The following RB1 variants were observed in gnomAD, a reference collection of about 807,000 sequenced individuals.
The protein encoded by RB1 is RB transcriptional corepressor 1, also known as retinoblastoma-associated protein.
RB1 carries 18 observed loss-of-function variants against 135.4 expected under a neutral mutation model. That is an observed-to-expected ratio of 0.13 (90% confidence interval 0.09 to 0.20). The LOEUF (loss-of-function observed/expected upper bound fraction) is 0.20. Among genes scored for constraint, RB1 ranks in the 10% least tolerant of loss-of-function variants. The probability of loss-of-function intolerance (pLI) is 1.00; values close to 1 mark genes in which losing one functional copy is unlikely to be tolerated. For missense variants in RB1, 868 were observed against 1,110.0 expected, an observed-to-expected ratio of 0.78 and a Z score of 3.10; for synonymous variants, 365 against 373.2, an observed-to-expected ratio of 0.98 and a Z score of 0.25.
rs9535025 is a variant in RB1, at chr13:48,393,474, T to G, written c.1695+12031T>G. On this transcript the variant is annotated intron_variant, in intron 17 of 26. Coordinates refer to ENST00000267163, the MANE Select transcript of RB1 (RefSeq NM_000321.3). Reference sequence around the variant, plus strand: ...TCTCCCAGGGATTGCTGTTCTGTACTGCCTGTTGTTTATTGTGTAAAAAGA... The same window carrying G: ...TCTCCCAGGGATTGCTGTTCTGTACGGCCTGTTGTTTATTGTGTAAAAAGA... 3.5e-3 allele frequency among the ~76,000 whole-genome samples: 540 copies of G among 152,328 alleles called. 1 individual carries two copies. The highest frequency in any genetic ancestry group is 5.9e-3 in the Non-Finnish European group (398 of 68,026).
intron 10 of RB1, among the ~76,000 whole-genome samples, chr13:48,368,272 T>C (rs1952723736): frequency 6.6e-6 from 1 of 152,166 alleles, no homozygotes. Flanking sequence ...TGACTTTCAC[T>C]TTTAAAAAAA....
chr13:48,328,341 G>T (rs1952305254), intron 2 of RB1: 2 of 1,572,040 alleles, frequency 1.3e-6, no homozygotes, highest in Admixed American at 3.3e-5. Context: ...AGGCTTACTT[G>T]ATCCAAGTTT....
rs183132703 is a variant in RB1, at chr13:48,360,203, T to C, written c.718+76T>C. ...TTGAATGTCTAGTGGGTACCAAACA[T>C]GGTTCTAAGGCTGACAGGATGATAA... On this transcript the variant is annotated intron_variant, in intron 7 of 26. Coordinates refer to ENST00000267163, the MANE Select transcript of RB1 (RefSeq NM_000321.3). 51 of 1,596,652 alleles carry C rather than the reference T, an allele frequency of 3.2e-5. No homozygotes were observed. The East Asian group carries it at 1.1e-3, about 35-fold the overall frequency.
At chr13:48,320,011 G>T in intron 2 of RB1, 1 of 436,816 alleles carries the variant, frequency 2.3e-6, no homozygotes, top group South Asian at 2.8e-5. Context: ...TGGAAGGCTG[G>T]GCTGCGCCTG....
intron 2 of RB1, among the ~76,000 whole-genome samples, chr13:48,330,447 C>T (rs1290742373): frequency 6.6e-6 from 1 of 151,810 alleles, no homozygotes; most frequent in African/African-American, 2.4e-5. Flanking sequence ...AAAGAAGATT[C>T]AAATAAATAA....
chr13:48,305,803 G>A (rs1952076190), intron 1 of RB1, among the ~76,000 whole-genome samples: 1 of 152,218 alleles, frequency 6.6e-6, no homozygotes, highest in Admixed American at 6.5e-5. Context: ...CATCTTGCCT[G>A]GAGATGGAAT....
chr13:48,328,676 C>T, intron 2 of RB1: 1 of 482,096 alleles, frequency 2.1e-6, no homozygotes, highest in Non-Finnish European at 3.8e-6. Context: ...CTTTCTCCAC[C>T]CCCAGCTCCC....
rs1281607292 is a variant in RB1, at chr13:48,379,622, A to G, written c.1361A>G (p.Tyr454Cys). 1 of 1,612,426 alleles carries G rather than the reference A, an allele frequency of 6.2e-7. No homozygotes were observed. Among genetic ancestry groups the G allele is most frequent in the African/African-American group, 1.3e-5 (1 of 74,810 alleles). The change falls in exon 14 of 27, where the codon TAC (tyrosine) becomes TGC (cysteine). Residue 454 changes from tyrosine (Y) to cysteine (C), a missense_variant. Physicochemically the swap from Tyr to Cys is radical, Grantham distance 194. This residue lies in a region of RB1 where 641 missense variants were observed against 791.3 expected (regional missense o/e 0.81). Transcript: ENST00000267163. ...QRYKLGVRLY[Y>C]RVMESMLKSE... ...TACAAACTTGGAGTTCGCTTGTATT[A>G]CCGAGTAATGGAATCCATGCTTAAA...
intron 2 of RB1, among the ~76,000 whole-genome samples, chr13:48,316,545 C>G (rs1952184785): frequency 1.3e-5 from 2 of 152,224 alleles, no homozygotes; most frequent in Non-Finnish European, 2.9e-5. Flanking sequence ...AATTGAACAA[C>G]AGTATTTTCT....
chr13:48,394,790 C>T (rs576305632), intron 17 of RB1, among the ~76,000 whole-genome samples: 19 of 152,324 alleles, frequency 1.2e-4, no homozygotes, highest in South Asian at 8.3e-4. Context: ...GGACAGAGCA[C>T]GTGGGGGAAG....
intron 2 of RB1, among the ~76,000 whole-genome samples, chr13:48,315,556 A>G (rs941097079): frequency 1.3e-5 from 2 of 152,164 alleles, no homozygotes; most frequent in East Asian, 3.8e-4. Context: ...TTCCAATACC[A>G]TGTTGAATAG....
rs2138026597 is a variant in RB1 at position 48,303,845 on chromosome 13, A to T, written c.-68A>T. 2 of 1,494,620 alleles carry T rather than the reference A, an allele frequency of 1.3e-6. No homozygotes were observed. Among genetic ancestry groups the T allele is most frequent in the South Asian group, 2.5e-5 (2 of 80,392 alleles). 92.6% of individuals were successfully genotyped at this position (1,494,620 alleles called of 1,614,324 possible). A position where few individuals can be genotyped will look rare whatever the true frequency, so the allele number is the denominator to read the frequency against. On this transcript the variant is annotated 5_prime_UTR_variant, in exon 1 of 27. Transcript: ENST00000267163. ...TCGGGAGAGGACGGGGCGTGCCCCGACGTGCGCGCGCGTCGTCCTCCCCGG... is the reference window on the plus strand; with the variant it reads ...TCGGGAGAGGACGGGGCGTGCCCCGTCGTGCGCGCGCGTCGTCCTCCCCGG...
intron 17 of RB1, among the ~76,000 whole-genome samples, chr13:48,405,653 T>C (rs1948733214): frequency 6.6e-6 from 1 of 152,208 alleles, no homozygotes; most frequent in Non-Finnish European, 1.5e-5. Flanking sequence ...ATATTTACTA[T>C]CTACTCCTTG....
At chr13:48,410,399 G>C (rs1381281654) in intron 17 of RB1, among the ~76,000 whole-genome samples, 1 of 152,134 alleles carries the variant, frequency 6.6e-6, no homozygotes, top group Non-Finnish European at 1.5e-5. Flanking sequence ...GTGTGTAATA[G>C]TGTATACCTT....
chr13:48,320,739 G>A (rs1952227738), intron 2 of RB1, among the ~76,000 whole-genome samples: 1 of 152,090 alleles, frequency 6.6e-6, no homozygotes, highest in South Asian at 2.1e-4. Context: ...GCAGAGGCCA[G>A]GGAATCGCTT....
intron 21 of RB1, 84 bp from the exon 22 acceptor site, chr13:48,464,914 T>A (rs1949427592): frequency 1.4e-6 from 2 of 1,420,476 alleles, no homozygotes; most frequent in Admixed American, 2.6e-5. Context: ...GAAAAGAAAA[T>A]CTAAAGGTAG....
At chr13:48,316,823 G>A in intron 2 of RB1, 1 of 255,834 alleles carries the variant, frequency 3.9e-6, no homozygotes, top group Non-Finnish European at 8.0e-6. Flanking sequence ...ACAAATGCAC[G>A]CAAACCGGGA....
intron 2 of RB1, chr13:48,316,940 C>G: frequency 2.8e-6 from 1 of 363,128 alleles, no homozygotes; most frequent in Admixed American, 3.9e-5. Flanking sequence ...CCAAGGCGTG[C>G]CCGCCCAAGG....
intron 3 of RB1, 116 bp from the exon 4 acceptor site, chr13:48,344,964 T>C (rs1314250921): frequency 4.0e-6 from 5 of 1,251,048 alleles, no homozygotes; most frequent in Non-Finnish European, 5.5e-6. Flanking sequence ...AAGGATATAG[T>C]AGTGATTTGA....
Sources: allele counts gnomAD v4.1 joint callset (sites outside exome capture counted in the v4.1 genomes callset), GRCh38; gene constraint gnomAD v4.1.1; regional missense constraint gnomAD v4.1.1; transcripts MANE v1.5; gene names NCBI Gene and HGNC (gene_info 2026-07-23, HGNC 2026-07-21).